Variants in CNTNAP2 observed in about 807,000 individuals in gnomAD.
The protein encoded by CNTNAP2 is contactin associated protein 2.
Under a neutral mutation model 155.2 loss-of-function variants are expected in CNTNAP2, and 98 were observed. The observed-to-expected ratio is 0.63, with a 90% CI of 0.54 to 0.75. The LOEUF is 0.75. Ranked by LOEUF, CNTNAP2 falls within the 30% of genes least tolerant of loss-of-function variation. The pLI is 0.00. For missense variants in CNTNAP2, 1,727 were observed against 1,688.1 expected (o/e 1.02, Z -0.40); for synonymous variants, 651 against 631.2 (o/e 1.03, Z -0.47).
intron 1 of CNTNAP2, among the ~76,000 whole-genome samples, chr7:146,220,909 C>T (rs748746649): frequency 1.3e-5 from 2 of 152,224 alleles, no homozygotes; most frequent in Non-Finnish European, 2.9e-5. Flanking sequence ...GTTCACCTTC[C>T]TCCTGACCCT....
At chr7:147,800,240 T>C (rs1370199204) in intron 13 of CNTNAP2, among the ~76,000 whole-genome samples, 4 of 152,168 alleles carry the variant, frequency 2.6e-5, no homozygotes, top group Admixed American at 1.3e-4. Flanking sequence ...ATCTTCATCG[T>C]TGAGGGAAGA....
At chr7:148,215,719 C>G (rs1398442542) in intron 18 of CNTNAP2, among the ~76,000 whole-genome samples, 1 of 152,062 alleles carries the variant, frequency 6.6e-6, no homozygotes, top group East Asian at 1.9e-4. Context: ...ACTTAATCCT[C>G]ACAACCACCT....
chr7:146,577,525 T>A (rs1288523137), intron 1 of CNTNAP2, among the ~76,000 whole-genome samples: 8 of 152,130 alleles, frequency 5.3e-5, no homozygotes, highest in Non-Finnish European at 1.2e-4. Flanking sequence ...ATTAGACTTT[T>A]AAATTTTTTT....
intron 3 of CNTNAP2, among the ~76,000 whole-genome samples, chr7:146,911,729 C>G (rs909467035): frequency 2.4e-4 from 36 of 151,628 alleles, no homozygotes; most frequent in African/African-American, 8.7e-4. Flanking sequence ...GTGGGTGCAG[C>G]GCACCAGCAT....
intron 1 of CNTNAP2, among the ~76,000 whole-genome samples, chr7:146,761,902 G>T (rs752180577): frequency 3.9e-5 from 6 of 151,954 alleles, no homozygotes; most frequent in Non-Finnish European, 8.8e-5. Flanking sequence ...GGAGACAAAG[G>T]GGAATATTTT....
At chr7:147,813,614 C>G (rs1272350647) in intron 13 of CNTNAP2, among the ~76,000 whole-genome samples, 1 of 152,158 alleles carries the variant, frequency 6.6e-6, no homozygotes, top group African/African-American at 2.4e-5. Context: ...AAAAAAGTCT[C>G]TCTAGAAATA....
chr7:147,408,469 A>G (rs1319635392), intron 10 of CNTNAP2, among the ~76,000 whole-genome samples: 3 of 152,244 alleles, frequency 2.0e-5, no homozygotes, highest in African/African-American at 7.2e-5. Flanking sequence ...CTAATGAAAG[A>G]GGACCTTGCG....
chr7:147,877,230 TTACCTCAGTCTGGCTGG>T (rs1799437712), intron 13 of CNTNAP2, among the ~76,000 whole-genome samples: 1 of 152,168 alleles, frequency 6.6e-6, no homozygotes, highest in African/African-American at 2.4e-5. Context: ...AGTCTAGCTG[TTACCTCAGTCTGGCTGG>T]TACCTGCAAA....
intron 1 of CNTNAP2, among the ~76,000 whole-genome samples, chr7:146,654,317 T>C (rs1799961637): frequency 1.3e-5 from 2 of 151,918 alleles, no homozygotes; most frequent in Non-Finnish European, 2.9e-5. Flanking sequence ...CTGGTATGCG[T>C]AGGTCACCTG....
Position 146,267,467 on chromosome 7 carries a change from A to G in CNTNAP2, c.97+150494A>G, listed in dbSNP as rs77687094. ...AAAATAAATAGAAAATACCATTGCT[A>G]TGGACTGAATGTTTGTGTCCCCAAC... On this transcript the variant is annotated intron_variant, in intron 1 of 23. Transcript: ENST00000361727. 4.0e-3 allele frequency among the ~76,000 whole-genome samples: 614 copies of G among 152,296 alleles called. 2 individuals carry two copies. The highest frequency in any genetic ancestry group is 6.8e-3 in the Middle Eastern group (2 of 294).
intron 4 of CNTNAP2, chr7:147,082,578 C>A (rs190526309): frequency 3.9e-4 from 60 of 152,282 alleles, no homozygotes; most frequent in Non-Finnish European, 7.5e-4. Flanking sequence ...CTCTGCCGTG[C>A]GATTTACTTC....
At chr7:148,268,738 A>T (rs1346691889) in intron 21 of CNTNAP2, among the ~76,000 whole-genome samples, 1 of 152,166 alleles carries the variant, frequency 6.6e-6, no homozygotes, top group Non-Finnish European at 1.5e-5. Flanking sequence ...GACAGATATT[A>T]GCCCATTCAA....
chr7:148,020,990 C>T (rs559324379), intron 15 of CNTNAP2, among the ~76,000 whole-genome samples: 3 of 152,348 alleles, frequency 2.0e-5, no homozygotes, highest in African/African-American at 7.2e-5. Flanking sequence ...TACTTTCTTG[C>T]ATTTCTTCTT....
intron 9 of CNTNAP2, among the ~76,000 whole-genome samples, chr7:147,359,216 G>A (rs1287160266): frequency 1.3e-5 from 2 of 151,990 alleles, no homozygotes; most frequent in African/African-American, 4.8e-5. Context: ...GTAAATGGCC[G>A]CTCTATTCCA....
intron 13 of CNTNAP2, among the ~76,000 whole-genome samples, chr7:147,681,791 T>A (rs1271190257): frequency 1.3e-5 from 2 of 151,330 alleles, no homozygotes; most frequent in African/African-American, 4.8e-5. Flanking sequence ...TCACAGTATT[T>A]TGCAAGAGAG....
chr7:147,355,435 T>C (rs753230625), intron 9 of CNTNAP2, among the ~76,000 whole-genome samples: 7 of 151,786 alleles, frequency 4.6e-5, no homozygotes, highest in Non-Finnish European at 8.8e-5. Flanking sequence ...AAGAAATAAC[T>C]AAGATCATAG....
At chr7:147,046,797 A>G (rs146665575) in intron 4 of CNTNAP2, among the ~76,000 whole-genome samples, 11,283 of 152,028 alleles carry the variant, frequency 0.074, 475 homozygotes, top group Middle Eastern at 0.15. Flanking sequence ...TGGGAGGCCA[A>G]GGAGGGCGGA....
At chr7:146,442,411 A>G (rs1796332623) in intron 1 of CNTNAP2, among the ~76,000 whole-genome samples, 1 of 147,138 alleles carries the variant, frequency 6.8e-6, no homozygotes, top group South Asian at 2.1e-4. Flanking sequence ...AGAGGAAACT[A>G]GGAAAAATTC....
rs191255315 is a variant in CNTNAP2 at position 146,648,470 on chromosome 7, T to A, written c.98-125801T>A. Among the ~76,000 whole-genome samples, 372 of 152,278 alleles carry A rather than the reference T, an allele frequency of 2.4e-3. 3 individuals are homozygous for A. Among genetic ancestry groups the A allele is most frequent in the Admixed American group, 9.2e-3 (141 of 15,284 alleles). On this transcript the variant is annotated intron_variant, in intron 1 of 23. Transcript: ENST00000361727. ...GCAAAAAGTCTACAAACCAGATTTT[T>A]ATGCTGTGAAAATTTTTTATTATGC... is the stretch of plus-strand genomic sequence containing the variant.
Sources: gnomAD v4.1 joint callset for allele counts (sites outside exome capture counted in the v4.1 genomes callset) on GRCh38, gnomAD v4.1.1 for gene constraint, MANE v1.5 for transcripts, NCBI Gene and HGNC (gene_info 2026-07-23, HGNC 2026-07-21) for gene names.